MPP7: variants seen among roughly 807,000 people sequenced by gnomAD.
The protein encoded by MPP7 is MAGUK p55 scaffold protein 7, also known as MAGUK p55 subfamily member 7.
MPP7 carries 60 observed loss-of-function variants against 76.5 expected under a neutral mutation model. The ratio of observed to expected loss-of-function variants is 0.78; its 90% confidence interval spans 0.64 to 0.97. MPP7 has a LOEUF of 0.97. Ranked by LOEUF, MPP7 falls within the 50% of genes least tolerant of loss-of-function variation. The pLI is 0.00. For missense variants in MPP7, 641 were observed against 694.0 expected (o/e 0.92, Z 0.86); for synonymous variants, 237 against 244.5 (o/e 0.97, Z 0.29).
intron 3 of MPP7, among the ~76,000 whole-genome samples, chr10:28,168,851 C>T (rs2997208): frequency 0.91 from 138,410 of 152,254 alleles, 62,974 homozygotes; most frequent in South Asian, 0.95. Flanking sequence ...TTTTCAGGTT[C>T]TGCTTTTCAA....
intron 1 of MPP7, among the ~76,000 whole-genome samples, chr10:28,294,089 T>C (rs1187165098): frequency 1.3e-5 from 2 of 152,136 alleles, no homozygotes; most frequent in African/African-American, 2.4e-5. Flanking sequence ...GGGCGGATCA[T>C]GAGATCAGGA....
chr10:28,181,675 T>C (rs1837064222), intron 3 of MPP7, among the ~76,000 whole-genome samples: 1 of 152,194 alleles, frequency 6.6e-6, no homozygotes, highest in Admixed American at 6.5e-5. Flanking sequence ...CTACTACGCT[T>C]TGAGGTAACG....
At chr10:28,227,366 G>C (rs1338827667) in intron 2 of MPP7, among the ~76,000 whole-genome samples, 1 of 151,970 alleles carries the variant, frequency 6.6e-6, no homozygotes, top group African/African-American at 2.4e-5. Flanking sequence ...TTGTTACATA[G>C]GTAAACGTGT....
chr10:28,093,483 G>C (rs1355424818), intron 11 of MPP7, among the ~76,000 whole-genome samples: 3 of 132,818 alleles, frequency 2.3e-5, no homozygotes, highest in African/African-American at 8.6e-5. Flanking sequence ...TCTCACTTCT[G>C]TGGCTCAGGC....
At chr10:28,326,984 G>A (rs971773551) in intron 2 of MPP7, among the ~76,000 whole-genome samples, 1 of 152,200 alleles carries the variant, frequency 6.6e-6, no homozygotes, top group African/African-American at 2.4e-5. Context: ...AATGACCAGG[G>A]AAGGATATGG....
chr10:28,103,734 G>A (rs1853941819), intron 11 of MPP7, among the ~76,000 whole-genome samples: 1 of 128,200 alleles, frequency 7.8e-6, no homozygotes, highest in Non-Finnish European at 1.5e-5. Context: ...AATGTAAAAG[G>A]CACTCAAAAA....
chr10:28,102,925 G>A (rs1458638723), intron 11 of MPP7, among the ~76,000 whole-genome samples: 7 of 152,162 alleles, frequency 4.6e-5, no homozygotes, highest in African/African-American at 7.2e-5. Context: ...TTCATGTTAC[G>A]GCTCTGCTTA....
intron 11 of MPP7, among the ~76,000 whole-genome samples, chr10:28,114,626 A>G (rs1201809089): frequency 6.6e-6 from 1 of 152,172 alleles, no homozygotes; most frequent in East Asian, 1.9e-4. Context: ...TATTATTCAC[A>G]TGGGCAAGGT....
chr10:28,234,405 T>C (rs1438444909), intron 2 of MPP7, among the ~76,000 whole-genome samples: 2 of 152,144 alleles, frequency 1.3e-5, no homozygotes, highest in Non-Finnish European at 2.9e-5. Flanking sequence ...ATAATTTAGA[T>C]AGCTCCTTTA....
intron 1 of MPP7, among the ~76,000 whole-genome samples, chr10:28,285,887 T>C (rs1188954802): frequency 6.6e-6 from 1 of 152,186 alleles, no homozygotes; most frequent in Non-Finnish European, 1.5e-5. Flanking sequence ...CAAGTACTTT[T>C]TGATAAATGA....
chr10:28,091,663 T>C (rs1853311788), intron 11 of MPP7, among the ~76,000 whole-genome samples: 1 of 152,244 alleles, frequency 6.6e-6, no homozygotes, highest in African/African-American at 2.4e-5. Context: ...GTGTGGATTT[T>C]AGTGAATATA....
intron 2 of MPP7, among the ~76,000 whole-genome samples, chr10:28,325,282 T>C (rs1407468830): frequency 6.6e-6 from 1 of 152,064 alleles, no homozygotes; most frequent in African/African-American, 2.4e-5. Context: ...TATTTGAAAG[T>C]AGTATTGTAA....
intron 11 of MPP7, among the ~76,000 whole-genome samples, chr10:28,103,015 C>T (rs1853898612): frequency 6.6e-6 from 1 of 152,244 alleles, no homozygotes; most frequent in African/African-American, 2.4e-5. Context: ...ACCTCAATTC[C>T]TATCACTCTC....
chr10:28,238,365 T>C (rs1206646437), intron 2 of MPP7, among the ~76,000 whole-genome samples: 8 of 152,210 alleles, frequency 5.3e-5, no homozygotes, highest in Admixed American at 3.9e-4. Context: ...ATGCCATCAC[T>C]ACCCAGAGAA....
chr10:28,172,051 T>A (rs1293963457), intron 3 of MPP7, among the ~76,000 whole-genome samples: 4 of 152,222 alleles, frequency 2.6e-5, no homozygotes, highest in African/African-American at 9.6e-5. Context: ...TGTGCTAACG[T>A]CTTTGCAAAT....
intron 3 of MPP7, among the ~76,000 whole-genome samples, chr10:28,164,691 C>T (rs1481032207): frequency 6.6e-6 from 1 of 151,674 alleles, no homozygotes; most frequent in African/African-American, 2.4e-5. Context: ...AGCTCATCAG[C>T]TATCATTAGT....
At chr10:28,114,780 A>G (rs990502273) in intron 11 of MPP7, among the ~76,000 whole-genome samples, 19 of 152,200 alleles carry the variant, frequency 1.2e-4, no homozygotes, top group African/African-American at 4.6e-4. Context: ...TTGAGTCCCC[A>G]GGACAAAATA....
At chr10:28,167,632 A>G (rs1396864830) in intron 3 of MPP7, among the ~76,000 whole-genome samples, 4 of 152,182 alleles carry the variant, frequency 2.6e-5, no homozygotes, top group African/African-American at 7.2e-5. Context: ...TAAAAAATAA[A>G]TAAGTACTTG....
At chr10:28,082,145 A>G (rs767055251) in intron 12 of MPP7, among the ~76,000 whole-genome samples, 1 of 152,190 alleles carries the variant, frequency 6.6e-6, no homozygotes, top group Non-Finnish European at 1.5e-5. Context: ...ATAAATTCCT[A>G]TGTATACAAC....
Sources: allele counts gnomAD v4.1 joint callset (sites outside exome capture counted in the v4.1 genomes callset), GRCh38; gene constraint gnomAD v4.1.1; transcripts MANE v1.5; gene names NCBI Gene and HGNC (gene_info 2026-07-23, HGNC 2026-07-21).